The following NRCAM variants were observed in gnomAD, a reference collection of about 807,000 sequenced individuals.
NRCAM encodes the protein neuronal cell adhesion molecule.
NRCAM carries 83 observed loss-of-function variants against 156.5 expected under a neutral mutation model. The observed-to-expected ratio is 0.53, with a 90% CI of 0.44 to 0.64. The LOEUF is 0.64. Ranked by LOEUF, NRCAM falls within the 30% of genes least tolerant of loss-of-function variation. NRCAM has a pLI of 0.00. For synonymous variants in NRCAM, 538 were observed against 563.9 expected (o/e 0.95, Z 0.65); for missense variants, 1,417 against 1,597.3 (o/e 0.89, Z 1.92).
chr7:108,255,447 C>G (rs554466888), intron 3 of NRCAM, among the ~76,000 whole-genome samples: 26 of 152,320 alleles, frequency 1.7e-4, no homozygotes, highest in African/African-American at 5.3e-4. Context: ...GGATTGCAGA[C>G]GGAGTCTCGC....
intron 2 of NRCAM, among the ~76,000 whole-genome samples, chr7:108,329,862 T>C (rs990436867): frequency 6.6e-6 from 1 of 152,220 alleles, no homozygotes; most frequent in Non-Finnish European, 1.5e-5. Flanking sequence ...CAATGAGCCT[T>C]GACTTATGCT....
intron 2 of NRCAM, among the ~76,000 whole-genome samples, chr7:108,338,141 C>T (rs1304871331): frequency 2.0e-5 from 3 of 152,204 alleles, no homozygotes; most frequent in South Asian, 2.1e-4. Flanking sequence ...CCCAAATTCC[C>T]GGCAGTAGCC....
At chr7:108,415,343 A>G (rs949997407) in intron 1 of NRCAM, among the ~76,000 whole-genome samples, 3 of 152,196 alleles carry the variant, frequency 2.0e-5, no homozygotes, top group African/African-American at 7.2e-5. Flanking sequence ...TCACTTCCCC[A>G]GTCAGCCTGA....
rs1052664979 is a variant in NRCAM at position 108,189,625 on chromosome 7, G to C, written c.2035+20C>G. On this transcript the variant is annotated intron_variant, in intron 20 of 32. Coordinates refer to ENST00000379028, the MANE Select transcript of NRCAM (RefSeq NM_001037132.4). ...ATGGCCATTTAGTTGATCGGAAATA[G>C]AGCAAATAATACCACATACTTGTAA... The C allele has an allele frequency of 2.0e-6, 2 of 994,172 alleles. No homozygotes were observed. Among genetic ancestry groups the C allele is most frequent in the Non-Finnish European group, 3.2e-6 (2 of 618,334 alleles). The allele number at this position is 994,172 out of a possible 1,614,324, so 61.6% of individuals were successfully genotyped here.
chr7:108,229,220 T>C (rs1334241347), intron 8 of NRCAM, among the ~76,000 whole-genome samples: 1 of 152,210 alleles, frequency 6.6e-6, no homozygotes, highest in East Asian at 1.9e-4. Context: ...TCAGCAGCAT[T>C]TGAAATAGCT....
chr7:108,447,259 CTTTTTTTTTTTTT>C (rs34273772), intron 1 of NRCAM, among the ~76,000 whole-genome samples: 2 of 84,256 alleles, frequency 2.4e-5, no homozygotes, highest in South Asian at 4.7e-4. Flanking sequence ...TCACTTCTTT[CTTTTTTTTTTTTT>C]TTTTTTTTTT....
chr7:108,447,328 C>A (rs1416711158), intron 1 of NRCAM, among the ~76,000 whole-genome samples: 1 of 139,992 alleles, frequency 7.1e-6, no homozygotes, highest in Non-Finnish European at 1.5e-5. Flanking sequence ...TGCAGTGGCA[C>A]AATCTTGGCT....
intron 1 of NRCAM, among the ~76,000 whole-genome samples, chr7:108,430,635 G>A (rs936984447): frequency 6.6e-6 from 1 of 152,176 alleles, no homozygotes; most frequent in African/African-American, 2.4e-5. Flanking sequence ...CTAGAACCAA[G>A]TAAATTCAAA....
At chr7:108,272,377 C>T (rs1473874020) in intron 3 of NRCAM, among the ~76,000 whole-genome samples, 7 of 152,188 alleles carry the variant, frequency 4.6e-5, no homozygotes, top group Non-Finnish European at 1.0e-4. Context: ...CTTTGCTGAA[C>T]ACACACACTC....
At chr7:108,247,290 T>G (rs2096007991) in intron 3 of NRCAM, among the ~76,000 whole-genome samples, 1 of 152,226 alleles carries the variant, frequency 6.6e-6, no homozygotes, top group Admixed American at 6.5e-5. Flanking sequence ...TGGCTCTTTC[T>G]TGCAACCAGA....
chr7:108,425,303 G>A (rs933676904), intron 1 of NRCAM, among the ~76,000 whole-genome samples: 3 of 152,142 alleles, frequency 2.0e-5, no homozygotes, highest in African/African-American at 7.2e-5. Flanking sequence ...TTATTTCATA[G>A]ATATTTCCAA....
intron 1 of NRCAM, among the ~76,000 whole-genome samples, chr7:108,442,665 T>C (rs934195187): frequency 1.3e-5 from 2 of 152,350 alleles, no homozygotes; most frequent in Non-Finnish European, 1.5e-5. Flanking sequence ...CTAGTACATC[T>C]GCAAAATGAC....
rs2094564016 is a variant in NRCAM at position 108,233,554 on chromosome 7, T to C, written c.230+1029A>G. Among the ~76,000 whole-genome samples the C allele has an allele frequency of 3.3e-5, 5 of 152,308 alleles. No individual in the cohort carries two copies. The South Asian group carries it at 1.0e-3, about 32-fold the overall frequency. ...TTACAGAAGGCATTAATTGTGAAAC[T>C]GAAAGGAAACCTCATCAAGGGATAC... On this transcript the variant is annotated intron_variant, in intron 6 of 32. Transcript: ENST00000379028.
At chr7:108,298,526 G>A (rs1349709538) in intron 3 of NRCAM, among the ~76,000 whole-genome samples, 2 of 151,470 alleles carry the variant, frequency 1.3e-5, no homozygotes, top group African/African-American at 4.9e-5. Flanking sequence ...GGTGCTGGAC[G>A]CCTATAGTCC....
intron 30 of NRCAM, among the ~76,000 whole-genome samples, chr7:108,165,194 G>A (rs934872789): frequency 1.6e-4 from 24 of 152,176 alleles, no homozygotes; most frequent in African/African-American, 2.4e-5. Context: ...CCCTTTCTGA[G>A]ACAGCCTGTC....
chr7:108,210,534 C>A (rs753664292), intron 11 of NRCAM, among the ~76,000 whole-genome samples: 3 of 152,166 alleles, frequency 2.0e-5, no homozygotes, highest in Non-Finnish European at 2.9e-5. Context: ...GCGTGAGCCA[C>A]CGCGCCTGGT....
At chr7:108,368,497 T>A (rs2099607895) in intron 2 of NRCAM, among the ~76,000 whole-genome samples, 1 of 152,138 alleles carries the variant, frequency 6.6e-6, no homozygotes, top group Admixed American at 6.6e-5. Context: ...ATGAACAGTG[T>A]GTATTTTAAG....
chr7:108,404,647 G>A lies in NRCAM; in HGVS notation c.-331-5054C>T, dbSNP rs147578092. On this transcript the variant is annotated intron_variant, in intron 1 of 32. Transcript: ENST00000379028. ...GAGTGCTTACTCCATCCTAAATACC[G>A]TTAAAACTGGTTAGCATATATTTGA... 3.3e-3 allele frequency among the ~76,000 whole-genome samples: 499 copies of A among 152,198 alleles called. 5 individuals carry two copies. The highest frequency in any genetic ancestry group is 0.01 in the Middle Eastern group (3 of 294).
chr7:108,412,096 A>G (rs551017120), intron 1 of NRCAM, among the ~76,000 whole-genome samples: 3 of 152,246 alleles, frequency 2.0e-5, no homozygotes, highest in Non-Finnish European at 4.4e-5. Flanking sequence ...TTACACATTC[A>G]TAAATGTATA....
Sources: allele counts gnomAD v4.1 joint callset (sites outside exome capture counted in the v4.1 genomes callset), GRCh38; gene constraint gnomAD v4.1.1; transcripts MANE v1.5; gene names NCBI Gene and HGNC (gene_info 2026-07-23, HGNC 2026-07-21).